VAV3: variants seen among roughly 807,000 people sequenced by gnomAD.
The protein encoded by VAV3 is vav guanine nucleotide exchange factor 3.
Under a neutral mutation model 131.2 loss-of-function variants are expected in VAV3, and 94 were observed. The ratio of observed to expected loss-of-function variants is 0.72; its 90% CI spans 0.61 to 0.85. VAV3 has a LOEUF of 0.85. Among genes scored for constraint, VAV3 ranks in the 40% least tolerant of loss-of-function variants. The probability of loss-of-function intolerance (pLI) is 0.00; values close to 1 mark genes in which losing one functional copy is unlikely to be tolerated. For synonymous variants in VAV3, 349 were observed against 342.0 expected, an observed-to-expected ratio of 1.02 and a Z score of -0.22; for missense variants, 939 against 1,002.7, an observed-to-expected ratio of 0.94 and a Z score of 0.86.
chr1:107,662,498 C>T (rs1262902435), intron 19 of VAV3, among the ~76,000 whole-genome samples: 4 of 152,116 alleles, frequency 2.6e-5, no homozygotes, highest in African/African-American at 9.7e-5. Flanking sequence ...ATTTCCAGAG[C>T]ACAAATGCTG....
chr1:107,739,021 A>T (rs1329538859), intron 15 of VAV3, among the ~76,000 whole-genome samples: 1 of 152,220 alleles, frequency 6.6e-6, no homozygotes, highest in African/African-American at 2.4e-5. Context: ...TCAGGGAAAC[A>T]AACACTAATT....
At chr1:107,607,762 AT>A (rs948978787) in intron 22 of VAV3, among the ~76,000 whole-genome samples, 40 of 152,134 alleles carry the variant, frequency 2.6e-4, no homozygotes, top group African/African-American at 8.2e-4. Flanking sequence ...AATCATCTTA[AT>A]TTTCTATTTT....
chr1:107,872,705 T>C (rs1670308809), intron 2 of VAV3, among the ~76,000 whole-genome samples: 1 of 152,168 alleles, frequency 6.6e-6, no homozygotes, highest in South Asian at 2.1e-4. Context: ...ATGTGCTATG[T>C]GAATGTTTGC....
intron 1 of VAV3, among the ~76,000 whole-genome samples, chr1:107,948,569 C>T (rs528695724): frequency 3.7e-4 from 57 of 152,300 alleles, no homozygotes; most frequent in African/African-American, 1.2e-3. Context: ...GCTGGCCAGG[C>T]GCAGTGGCTC....
intron 20 of VAV3, among the ~76,000 whole-genome samples, chr1:107,632,160 C>T (rs1231078738): frequency 2.0e-5 from 3 of 152,104 alleles, no homozygotes; most frequent in Non-Finnish European, 2.9e-5. Context: ...AACTGGTGAG[C>T]TGGGGATAGT....
At position 107,615,458 on chromosome 1, in the gene VAV3, G is replaced by C. The variant is rs1017401369; in HGVS notation, c.1980+2109C>G. On this transcript the variant is annotated intron_variant, in intron 21 of 26. Coordinates refer to ENST00000370056, the MANE Select transcript of VAV3 (RefSeq NM_006113.5). ...GATATACAAAAATCAGCTCGAGATG[G>C]ATTGAAGACAAATGTAAATCCTAAA... Among the ~76,000 whole-genome samples, 3 of 152,126 alleles carry C rather than the reference G, an allele frequency of 2.0e-5. No individual in the cohort carries two copies. The East Asian group carries it at 5.8e-4, about 29-fold the overall frequency.
intron 2 of VAV3, among the ~76,000 whole-genome samples, chr1:107,829,663 T>C (rs1170738185): frequency 1.3e-5 from 2 of 152,208 alleles, no homozygotes; most frequent in African/African-American, 4.8e-5. Context: ...GTTGACTTTA[T>C]TTACTTTAGC....
chr1:107,610,165 T>C (rs1177363403), intron 21 of VAV3, among the ~76,000 whole-genome samples, 200 bp from the exon 22 acceptor site: 2 of 152,216 alleles, frequency 1.3e-5, no homozygotes, highest in African/African-American at 4.8e-5. Context: ...CTTTAATTCA[T>C]TCTTTCATTC....
At chr1:107,724,714 A>G (rs1357732018) in intron 15 of VAV3, among the ~76,000 whole-genome samples, 5 of 152,120 alleles carry the variant, frequency 3.3e-5, no homozygotes, top group Admixed American at 3.3e-4. Context: ...TCAGCAGAGA[A>G]CAGATCCCGA....
intron 3 of VAV3, among the ~76,000 whole-genome samples, chr1:107,778,511 AC>A (rs1158150970): frequency 1.1e-4 from 17 of 152,330 alleles, no homozygotes; most frequent in African/African-American, 1.4e-4. Context: ...CAGACCATAT[AC>A]ATAGAAAGCT....
At chr1:107,590,143 T>A (rs1170873076) in intron 25 of VAV3, among the ~76,000 whole-genome samples, 2 of 152,150 alleles carry the variant, frequency 1.3e-5, no homozygotes, top group Middle Eastern at 6.3e-3. Context: ...AACTTATGGC[T>A]CCAATGACAA....
chr1:107,881,072 G>A (rs1326864866), intron 1 of VAV3, among the ~76,000 whole-genome samples: 1 of 152,072 alleles, frequency 6.6e-6, no homozygotes, highest in Non-Finnish European at 1.5e-5. Flanking sequence ...CTGGCTACAG[G>A]GCCCATATCC....
chr1:107,598,892 A>C (rs1035250598), intron 24 of VAV3, among the ~76,000 whole-genome samples: 1 of 152,126 alleles, frequency 6.6e-6, no homozygotes, highest in African/African-American at 2.4e-5. Context: ...AATTGAGTAA[A>C]ATGTGTTATT....
intron 2 of VAV3, among the ~76,000 whole-genome samples, chr1:107,807,357 T>C (rs1451910356): frequency 2.6e-5 from 4 of 152,228 alleles, no homozygotes; most frequent in Admixed American, 1.3e-4. Context: ...TCCCCTTATA[T>C]AGTAGAAAAT....
intron 2 of VAV3, among the ~76,000 whole-genome samples, chr1:107,827,379 C>T (rs1668063002): frequency 6.6e-6 from 1 of 152,164 alleles, no homozygotes; most frequent in African/African-American, 2.4e-5. Context: ...TTTTCAAACT[C>T]TCATCACACT....
intron 15 of VAV3, among the ~76,000 whole-genome samples, chr1:107,719,864 G>T (rs1570819669): frequency 1.3e-5 from 2 of 152,270 alleles, no homozygotes; most frequent in South Asian, 4.1e-4. Flanking sequence ...ATACACCATG[G>T]AATACTATGC....
intron 2 of VAV3, among the ~76,000 whole-genome samples, chr1:107,795,725 C>G (rs1445138397): frequency 6.6e-6 from 1 of 152,192 alleles, no homozygotes; most frequent in African/African-American, 2.4e-5. Flanking sequence ...GTCGTTAGGG[C>G]TTTAATAGTT....
rs747865257 is a variant in VAV3, at chr1:107,722,835, C to CCTCT, written c.1503-17778_1503-17775dup. 9.2e-4 allele frequency among the ~76,000 whole-genome samples: 45 copies of CCTCT among 48,978 alleles called. 1 individual carries two copies. Among genetic ancestry groups the CCTCT allele is most frequent in the East Asian group, 4.8e-3 (3 of 630 alleles). The allele number at this position is 48,978 out of a possible 152,430, so 32.1% of individuals were successfully genotyped here. A position where few individuals can be genotyped will look rare whatever the true frequency, so the allele number is the denominator to read the frequency against. On this transcript the variant is annotated intron_variant, in intron 15 of 26. Coordinates refer to ENST00000370056, the MANE Select transcript of VAV3 (RefSeq NM_006113.5). The stretch of plus-strand genomic sequence containing the variant: ...AAGTAGTGTCAGAAAGCCCTATTAT[C>CCTCT]CTCTCTTTTTTTTTTTTTTTGTACG...
chr1:107,857,225 C>A (rs561278225), intron 2 of VAV3, among the ~76,000 whole-genome samples: 25 of 152,208 alleles, frequency 1.6e-4, no homozygotes, highest in Non-Finnish European at 3.2e-4. Flanking sequence ...CAGAAAAACA[C>A]GAAAAGGCTA....
Sources: allele counts gnomAD v4.1 joint callset (sites outside exome capture counted in the v4.1 genomes callset), GRCh38; gene constraint gnomAD v4.1.1; transcripts MANE v1.5; gene names NCBI Gene and HGNC (gene_info 2026-07-23, HGNC 2026-07-21).